The following LIN7A variants were observed in gnomAD, a reference collection of about 807,000 sequenced individuals.
The protein encoded by LIN7A is protein lin-7 homolog A.
In LIN7A, 25 loss-of-function variants were observed where a neutral mutation model predicts 29.8. The observed-to-expected ratio is 0.84, with a 90% CI of 0.61 to 1.17. The LOEUF (loss-of-function observed/expected upper bound fraction) is 1.17. Ranked by LOEUF, LIN7A falls within the 50% of genes most tolerant of loss-of-function variation. LIN7A has a pLI of 0.00. For missense variants in LIN7A, 239 were observed against 287.0 expected, an observed-to-expected ratio of 0.83 and a Z score of 1.21; for synonymous variants, 118 against 107.5, an observed-to-expected ratio of 1.10 and a Z score of -0.60.
intron 1 of LIN7A, among the ~76,000 whole-genome samples, chr12:80,930,332 T>G (rs946649247): frequency 6.6e-6 from 1 of 152,194 alleles, no homozygotes; most frequent in Non-Finnish European, 1.5e-5. Flanking sequence ...AGTTAGTATA[T>G]TACTTAGCAA....
At chr12:80,857,451 C>A (rs1000321486) in intron 2 of LIN7A, among the ~76,000 whole-genome samples, 1 of 151,978 alleles carries the variant, frequency 6.6e-6, no homozygotes, top group South Asian at 2.1e-4. Context: ...CACTACTGGG[C>A]GCCTGGATAG....
Position 80,883,276 on chromosome 12 carries a change from C to T in LIN7A, c.201+5975G>A, listed in dbSNP as rs116353151. ...TAATTCTGAATCTAAGTTGTATCAC[C>T]CAACCAAGCATTGACTCTCTCATAA... On this transcript the variant is annotated intron_variant, in intron 2 of 5. Coordinates refer to ENST00000552864, the MANE Select transcript of LIN7A (RefSeq NM_004664.4). 3.0e-3 allele frequency among the ~76,000 whole-genome samples: 452 copies of T among 152,096 alleles called. 2 individuals are homozygous for T. Among genetic ancestry groups the T allele is most frequent in the African/African-American group, 0.01 (419 of 41,486 alleles).
At chr12:80,823,355 G>C (rs1871906044) in intron 4 of LIN7A, among the ~76,000 whole-genome samples, 1 of 152,194 alleles carries the variant, frequency 6.6e-6, no homozygotes, top group Admixed American at 6.5e-5. Context: ...GGGCTTTGCA[G>C]TTCCTGGCTA....
intron 2 of LIN7A, among the ~76,000 whole-genome samples, chr12:80,876,740 G>A (rs1424642499): frequency 6.6e-6 from 1 of 152,126 alleles, no homozygotes; most frequent in African/African-American, 2.4e-5. Context: ...AGTGTTGGAG[G>A]TAATATGGAT....
chr12:80,856,406 A>C (rs533565504), intron 2 of LIN7A, among the ~76,000 whole-genome samples: 1 of 152,330 alleles, frequency 6.6e-6, no homozygotes, highest in Admixed American at 6.5e-5. Context: ...GGTAAAATAA[A>C]TGTGGCAAAT....
At chr12:80,810,391 ATC>A (rs1871228564) in intron 5 of LIN7A, among the ~76,000 whole-genome samples, 1 of 110,216 alleles carries the variant, frequency 9.1e-6, no homozygotes, top group South Asian at 3.7e-4. Flanking sequence ...AATGGTATAC[ATC>A]TGTGTGTGTG....
chr12:80,847,792 T>G (rs890476479), intron 3 of LIN7A, among the ~76,000 whole-genome samples: 2 of 152,180 alleles, frequency 1.3e-5, no homozygotes, highest in African/African-American at 4.8e-5. Flanking sequence ...CCACATCCTT[T>G]CAGCAAGTTA....
intron 2 of LIN7A, among the ~76,000 whole-genome samples, chr12:80,875,369 T>C (rs545921216): frequency 6.6e-6 from 1 of 152,352 alleles, no homozygotes; most frequent in Non-Finnish European, 1.5e-5. Context: ...AAAGAAAGCA[T>C]AGCACTAGGT....
At chr12:80,880,941 T>C (rs1365566026) in intron 2 of LIN7A, among the ~76,000 whole-genome samples, 8 of 152,050 alleles carry the variant, frequency 5.3e-5, no homozygotes, top group African/African-American at 1.9e-4. Flanking sequence ...AATACCAGAG[T>C]TCAAGAGTAG....
At chr12:80,931,898 A>G (rs1475129815) in intron 1 of LIN7A, among the ~76,000 whole-genome samples, 1 of 152,204 alleles carries the variant, frequency 6.6e-6, no homozygotes, top group East Asian at 1.9e-4. Context: ...ACCCCTGATC[A>G]AAACACCAGG....
chr12:80,897,541 G>A lies in LIN7A; in HGVS notation c.83-8172C>T, dbSNP rs374752832. On this transcript the variant is annotated intron_variant, in intron 1 of 5. Transcript: ENST00000552864. The stretch of plus-strand genomic sequence containing the variant: ...AAAATTGTTTGTTGGGGCCGGATGC[G>A]TAATCCTGTAATCCCAGCACTTTGA... Among the ~76,000 whole-genome samples, 30 of 152,056 alleles carry A rather than the reference G, an allele frequency of 2.0e-4. 1 individual carries two copies. Among genetic ancestry groups the A allele is most frequent in the East Asian group, 1.2e-3 (6 of 5,178 alleles).
intron 2 of LIN7A, among the ~76,000 whole-genome samples, chr12:80,886,534 T>G (rs1453185918): frequency 1.3e-5 from 2 of 152,108 alleles, no homozygotes; most frequent in Admixed American, 6.6e-5. Context: ...AACATATGAA[T>G]GGCATAAAAT....
At chr12:80,817,305 A>T (rs1026302399) in intron 4 of LIN7A, among the ~76,000 whole-genome samples, 5 of 151,874 alleles carry the variant, frequency 3.3e-5, no homozygotes, top group Non-Finnish European at 7.4e-5. Flanking sequence ...TTAAATTTTG[A>T]CCCTGGCTAG....
chr12:80,801,413 G>A (rs1056921871), intron 5 of LIN7A, among the ~76,000 whole-genome samples: 1 of 152,264 alleles, frequency 6.6e-6, no homozygotes, highest in Non-Finnish European at 1.5e-5. Flanking sequence ...AAGGGCCCAG[G>A]AAGCAATGAA....
At chr12:80,845,205 C>G (rs182516367) in intron 4 of LIN7A, among the ~76,000 whole-genome samples, 5 of 147,948 alleles carry the variant, frequency 3.4e-5, no homozygotes, top group Non-Finnish European at 3.0e-5. Context: ...CCACTGCACT[C>G]CAGCCTGGGG....
chr12:80,841,218 G>A (rs993440036), intron 4 of LIN7A, among the ~76,000 whole-genome samples: 1 of 152,012 alleles, frequency 6.6e-6, no homozygotes, highest in Non-Finnish European at 1.5e-5. Flanking sequence ...TTAAGCCCAG[G>A]AGGCAGAGGT....
At chr12:80,822,879 C>T (rs533359927) in intron 4 of LIN7A, among the ~76,000 whole-genome samples, 8 of 152,152 alleles carry the variant, frequency 5.3e-5, no homozygotes, top group Non-Finnish European at 7.4e-5. Flanking sequence ...ACCTTCAAGC[C>T]AGGGACAGCC....
At chr12:80,847,728 G>A (rs1565900259) in intron 3 of LIN7A, among the ~76,000 whole-genome samples, 1 of 152,026 alleles carries the variant, frequency 6.6e-6, no homozygotes, top group Non-Finnish European at 1.5e-5. Context: ...GTCTTTAAAG[G>A]GCAGATGTGG....
chr12:80,913,498 G>C (rs1294151781), intron 1 of LIN7A, among the ~76,000 whole-genome samples: 1 of 152,154 alleles, frequency 6.6e-6, no homozygotes, highest in Admixed American at 6.5e-5. Flanking sequence ...GGGAGCCTGG[G>C]ATTGTGATCT....
Sources: gnomAD v4.1 joint callset for allele counts (sites outside exome capture counted in the v4.1 genomes callset) on GRCh38, gnomAD v4.1.1 for gene constraint, MANE v1.5 for transcripts, NCBI Gene and HGNC (gene_info 2026-07-23, HGNC 2026-07-21) for gene names.